The following ARSI variants were observed in gnomAD, a reference collection of about 807,000 sequenced individuals.
The protein encoded by ARSI is arylsulfatase I.
A neutral mutation model predicts 42.1 loss-of-function variants in ARSI; 37 were observed. The ratio of observed to expected loss-of-function variants is 0.88; its 90% CI spans 0.68 to 1.16. ARSI has a LOEUF of 1.16. Among genes scored for constraint, ARSI ranks in the 50% most tolerant of loss-of-function variants. ARSI has a pLI of 0.00. For missense variants in ARSI, 725 were observed against 790.1 expected, an observed-to-expected ratio of 0.92 and a Z score of 0.99; for synonymous variants, 305 against 320.3, an observed-to-expected ratio of 0.95 and a Z score of 0.51.
chr5:150,296,348 T>C lies in ARSI; in HGVS notation c.*866A>G, dbSNP rs917270329. 2 of 152,436 alleles carry C rather than the reference T, an allele frequency of 1.3e-5. No homozygotes were observed. Among genetic ancestry groups the C allele is most frequent in the African/African-American group, 4.8e-5 (2 of 41,472 alleles). 9.4% of individuals were successfully genotyped at this position (152,436 alleles called of 1,614,324 possible). On this transcript the variant is annotated 3_prime_UTR_variant, in exon 2 of 2. Coordinates refer to ENST00000328668, the MANE Select transcript of ARSI (RefSeq NM_001012301.4). ...GACAGCACTGCATCCCTCACTTCCA[T>C]GTTACGACACTTTAATCAAGTTCAC...
rs138724760 is a variant in ARSI at position 150,298,432 on chromosome 5, G to T, written c.492C>A (p.Phe164Leu). 1.4e-5 allele frequency: 23 copies of T among 1,614,204 alleles called. No individual in the cohort carries two copies. The highest frequency in any genetic ancestry group is 1.9e-5 in the Non-Finnish European group (23 of 1,180,042). ...CCGTGAGCGAGCCCAGGAAGGTGTC[G>T]AAGCCCCGACGGGTGGGCAGACACT... Reference protein sequence around the residue: ...RKECLPTRRGFDTFLGSLTGN... With the variant: ...RKECLPTRRGLDTFLGSLTGN... Residue 164 changes from phenylalanine (F) to leucine (L), a missense_variant, in exon 2 of 2, where the codon TTC becomes TTA. By Grantham distance (22) the Phe-to-Leu change is conservative. Coordinates refer to ENST00000328668, the MANE Select transcript of ARSI (RefSeq NM_001012301.4).
rs941056812 is a variant in ARSI, at chr5:150,302,042, G to A, written c.311+21C>T. 1.7e-5 allele frequency: 27 copies of A among 1,549,408 alleles called. No homozygotes were observed. Among genetic ancestry groups the A allele is most frequent in the East Asian group, 4.8e-5 (2 of 41,886 alleles). On this transcript the variant is annotated intron_variant, in intron 1 of 1. Coordinates refer to ENST00000328668, the MANE Select transcript of ARSI (RefSeq NM_001012301.4). The surrounding 1 kb of genome is among the most constrained non-coding windows in gnomAD (Gnocchi z 6.1). ...ATTTGGGGTTTAGATGCCCAGCCCC[G>A]GGGCCTTGAGCCACGCCTACCTGCC...
At position 150,297,466 on chromosome 5, in the gene ARSI, G is replaced by A. The variant is rs762549098; in HGVS notation, c.1458C>T (p.Arg486=). Residue 486 remains arginine (R), a synonymous_variant, in exon 2 of 2, where the codon CGC becomes CGT. Transcript: ENST00000328668. This position sits in a 1 kb window ranked among gnomAD's most constrained non-coding sequence, Gnocchi z 7.0. The part of the protein sequence containing the change: ...DLAGQRPDVV[R]TLLARLAEYN... ...ATTCGGCCAGGCGAGCCAGCAGGGT[G>A]CGGACCACATCAGGCCGCTGGCCAG... 2 of 1,613,076 alleles carry A rather than the reference G, an allele frequency of 1.2e-6. No homozygotes were observed. Among genetic ancestry groups the A allele is most frequent in the African/African-American group, 1.3e-5 (1 of 75,048 alleles).
Position 150,297,666 on chromosome 5 carries a change from G to A in ARSI, c.1258C>T (p.Arg420Cys), listed in dbSNP as rs201427501. Reference protein sequence around the residue: ...IWNTAVQAAIRVGEWKLLTGD... With the variant: ...IWNTAVQAAICVGEWKLLTGD... ...GTCAGCAGCTTCCACTCACCCACGC[G>A]GATGGCAGCCTGCACGGCGGTGTTC... Residue 420 changes from arginine (R) to cysteine (C), a missense_variant, in exon 2 of 2, where the codon CGC becomes TGC. By Grantham distance (180) the Arg-to-Cys change is radical. Transcript: ENST00000328668. This position sits in a 1 kb window ranked among gnomAD's most constrained non-coding sequence, Gnocchi z 7.0. 2.3e-4 allele frequency: 376 copies of A among 1,613,230 alleles called. No homozygotes were observed. The highest frequency in any genetic ancestry group is 3.1e-4 in the Non-Finnish European group (365 of 1,180,010).
chr5:150,296,935 G>C lies in ARSI; in HGVS notation c.*279C>G, dbSNP rs940515616. On this transcript the variant is annotated 3_prime_UTR_variant, in exon 2 of 2. Coordinates refer to ENST00000328668, the MANE Select transcript of ARSI (RefSeq NM_001012301.4). ...ACACCAAAGAGTCACAAAGTCATTA[G>C]AGCTCATTTTACAGATGAGGAAACT... The C allele has an allele frequency of 3.1e-6, 1 of 325,318 alleles. No individual in the cohort carries two copies. Among genetic ancestry groups the C allele is most frequent in the East Asian group, 5.7e-5 (1 of 17,600 alleles). 20.2% of individuals were successfully genotyped at this position (325,318 alleles called of 1,614,324 possible). A position where few individuals can be genotyped will look rare whatever the true frequency, so the allele number is the denominator to read the frequency against.
In ARSI at chr5:150,297,504, G is replaced by A. The variant is rs1409186846; in HGVS notation, c.1420C>T (p.Arg474Trp). 15 of 1,613,674 alleles carry A rather than the reference G, an allele frequency of 9.3e-6. No individual in the cohort carries two copies. The highest frequency in any genetic ancestry group is 5.3e-5 in the African/African-American group (4 of 74,922). Residue 474 changes from arginine (R) to tryptophan (W), a missense_variant, in exon 2 of 2, where the codon CGG (arginine) becomes TGG (tryptophan). Physicochemically the swap from Arg to Trp is moderately radical, Grantham distance 101 (BLOSUM62 -3). Coordinates refer to ENST00000328668, the MANE Select transcript of ARSI (RefSeq NM_001012301.4). This position sits in a 1 kb window ranked among gnomAD's most constrained non-coding sequence, Gnocchi z 7.0. ...LFNISADPYE[R>W]EDLAGQRPDV... is the part of the protein sequence containing the mutation. ...GGCCGCTGGCCAGCCAGGTCCTCCC[G>A]TTCATAAGGGTCAGCACTGATGTTG...
In ARSI at chr5:150,302,122, C is replaced by T; in HGVS notation, c.252G>A (p.Leu84=). Residue 84 remains leucine, a synonymous_variant, in exon 1 of 2, where the codon TTG becomes TTA. Transcript: ENST00000328668. This position sits in a 1 kb window ranked among gnomAD's most constrained non-coding sequence, Gnocchi z 6.1. The stretch of plus-strand genomic sequence containing the variant: ...AGATGGGCTGGATGTAATAATTCTC[C>T]AACTTGACCCCCTTGGCCGCCAGCC... ...LDRLAAKGVK[L]ENYYIQPICT... The T allele has an allele frequency of 1.2e-6, 2 of 1,611,074 alleles. No homozygotes were observed. The highest frequency in any genetic ancestry group is 1.7e-6 in the Non-Finnish European group (2 of 1,178,998).
chr5:150,300,755 C>T (rs546764878), intron 1 of ARSI, among the ~76,000 whole-genome samples: 1 of 152,340 alleles, frequency 6.6e-6, no homozygotes, highest in East Asian at 1.9e-4. Context: ...GAGCACTGCC[C>T]TCCTGCTGTC....
At chr5:150,298,904 A>G (rs1204662522) in intron 1 of ARSI, among the ~76,000 whole-genome samples, 2 of 152,182 alleles carry the variant, frequency 1.3e-5, no homozygotes, top group Non-Finnish European at 2.9e-5. Context: ...GAAGTTGGAG[A>G]GATAAAAGTT....
In ARSI at chr5:150,297,312, T is replaced by A. The variant is rs1757820267; in HGVS notation, c.1612A>T (p.Ser538Cys). Residue 538 changes from serine to cysteine, a missense_variant, in exon 2 of 2, where the codon AGC becomes TGC. Ser to Cys is a moderately radical substitution (Grantham distance 112). Transcript: ENST00000328668. This position sits in a 1 kb window ranked among gnomAD's most constrained non-coding sequence, Gnocchi z 7.0. ...TTCTTGCGACGACCCCGGGAGAAGC[T>A]TCGAGCCCTCCCTTCCTCTTCCTCC... ...EEEEEEGRAR[S>C]FSRGRRKKKC... 1 of 1,613,342 alleles carries A rather than the reference T, an allele frequency of 6.2e-7. No individual in the cohort carries two copies. The highest frequency in any genetic ancestry group is 8.5e-7 in the Non-Finnish European group (1 of 1,179,738).
At position 150,298,060 on chromosome 5, in the gene ARSI, G is replaced by A. The variant is rs1364431678; in HGVS notation, c.864C>T (p.Asn288=). 5 of 1,613,016 alleles carry A rather than the reference G, an allele frequency of 3.1e-6. No individual in the cohort carries two copies. Among genetic ancestry groups the A allele is most frequent in the Admixed American group, 3.3e-5 (2 of 60,022 alleles). Residue 288 remains asparagine (N), a synonymous_variant, in exon 2 of 2, where the codon AAC becomes AAT. Transcript: ENST00000328668. ...CACTGGAGAAGATGATGACACTGTT[G>A]TTGTAGAAACCGTAGCGCTTGAGGG... The part of the protein sequence containing the change: ...TWALKRYGFY[N]NSVIIFSSDN...
In ARSI at chr5:150,302,433, G is replaced by T. The variant is rs921152855; in HGVS notation, c.-60C>A. ...CTCCTGGGGCCTCACCACCTCGCGC[G>T]CCCAGGGCGCACCACCGGCCCGCCG... On this transcript the variant is annotated 5_prime_UTR_variant, in exon 1 of 2. Transcript: ENST00000328668. The surrounding 1 kb of genome is among the most constrained non-coding windows in gnomAD (Gnocchi z 6.1). 4.4e-5 allele frequency: 57 copies of T among 1,301,078 alleles called. No individual in the cohort carries two copies. Among genetic ancestry groups the T allele is most frequent in the Non-Finnish European group, 5.4e-5 (54 of 1,007,432 alleles). 80.6% of individuals were successfully genotyped at this position (1,301,078 alleles called of 1,614,324 possible).
chr5:150,302,058 C>T lies in ARSI; in HGVS notation c.311+5G>A. 1 of 1,571,150 alleles carries T rather than the reference C, an allele frequency of 6.4e-7. No individual in the cohort carries two copies. The highest frequency in any genetic ancestry group is 2.3e-5 in the East Asian group (1 of 43,076). ...CCCAGCCCCGGGGCCTTGAGCCACG[C>T]CTACCTGCCAGTGAGGAGCTGGCTC... is the stretch of plus-strand genomic sequence containing the variant. On this transcript the variant is annotated splice_donor_5th_base_variant and intron_variant, in intron 1 of 1. Transcript: ENST00000328668. The surrounding 1 kb of genome is among the most constrained non-coding windows in gnomAD (Gnocchi z 6.1).
rs1396520743 is a variant in ARSI, at chr5:150,296,577, T to C, written c.*637A>G. 6.6e-6 allele frequency: 1 copy of C among 152,348 alleles called. No homozygotes were observed. Among genetic ancestry groups the C allele is most frequent in the Non-Finnish European group, 1.5e-5 (1 of 68,148 alleles). The allele number at this position is 152,348 out of a possible 1,614,324, so 9.4% of individuals were successfully genotyped here. ...CCACCCTTGGTGCTGCAGCAGTTAA[T>C]GGCCCAGCCAGTTTCTCTGGGTACT... On this transcript the variant is annotated 3_prime_UTR_variant, in exon 2 of 2. Transcript: ENST00000328668.
In ARSI at chr5:150,297,977, C is replaced by T. The variant is rs1757846227; in HGVS notation, c.947G>A (p.Gly316Asp). 7.4e-6 allele frequency: 12 copies of T among 1,612,406 alleles called. No individual in the cohort carries two copies. Among genetic ancestry groups the T allele is most frequent in the South Asian group, 1.1e-5 (1 of 91,030 alleles). The change falls in exon 2 of 2, where the codon GGC (glycine) becomes GAC (aspartate). Residue 316 changes from glycine to aspartate, a missense_variant. Coordinates refer to ENST00000328668, the MANE Select transcript of ARSI (RefSeq NM_001012301.4). This position sits in a 1 kb window ranked among gnomAD's most constrained non-coding sequence, Gnocchi z 7.0. Reference sequence around the variant, plus strand: ...CCGCACGCCACCTTCCCAATAAGTGCCCTTGCGTCCTCGGAGCGGCCAGTT... The same window carrying T: ...CCGCACGCCACCTTCCCAATAAGTGTCCTTGCGTCCTCGGAGCGGCCAGTT... Reference protein sequence around the residue: ...GSNWPLRGRKGTYWEGGVRGL... With the variant: ...GSNWPLRGRKDTYWEGGVRGL...
At chr5:150,301,409 G>A (rs998868627) in intron 1 of ARSI, among the ~76,000 whole-genome samples, 5 of 152,272 alleles carry the variant, frequency 3.3e-5, no homozygotes, top group Non-Finnish European at 7.4e-5. Context: ...TCTACTTGGG[G>A]CTCCCAGCCA....
chr5:150,299,506 C>T (rs749723158), intron 1 of ARSI, among the ~76,000 whole-genome samples: 15 of 152,000 alleles, frequency 9.9e-5, no homozygotes, highest in Admixed American at 4.6e-4. Context: ...GAATGAATGA[C>T]ACTTAAGAGG....
Position 150,302,331 on chromosome 5 carries a change from A to G in ARSI, c.43T>C (p.Phe15Leu). 1 of 1,574,276 alleles carries G rather than the reference A, an allele frequency of 6.4e-7. No homozygotes were observed. Among genetic ancestry groups the G allele is most frequent in the Non-Finnish European group, 8.6e-7 (1 of 1,161,972 alleles). ...TGFSLVSLLS[F>L]GYLSWDWAKP... Reference sequence around the variant, plus strand: ...GCCCAGTCCCAGGACAGGTAGCCGAAGCTGAGCAGGCTGACCAGGGAGAAG... The same window carrying G: ...GCCCAGTCCCAGGACAGGTAGCCGAGGCTGAGCAGGCTGACCAGGGAGAAG... The change falls in exon 1 of 2, where the codon TTC becomes CTC. Residue 15 changes from phenylalanine to leucine, a missense_variant. By Grantham distance (22) the Phe-to-Leu change is conservative. Transcript: ENST00000328668. The surrounding 1 kb of genome is among the most constrained non-coding windows in gnomAD (Gnocchi z 6.1).
chr5:150,297,179 G>T lies in ARSI; in HGVS notation c.*35C>A. ...AGCAGGGCCAAGCCGGAGTGGGGAA[G>T]ATCCTCTAAAGGACAGTTTTCTCCC... On this transcript the variant is annotated 3_prime_UTR_variant, in exon 2 of 2. Coordinates refer to ENST00000328668, the MANE Select transcript of ARSI (RefSeq NM_001012301.4). This position sits in a 1 kb window ranked among gnomAD's most constrained non-coding sequence, Gnocchi z 7.0. 6.5e-7 allele frequency: 1 copy of T among 1,529,040 alleles called. No homozygotes were observed. Among genetic ancestry groups the T allele is most frequent in the Non-Finnish European group, 8.8e-7 (1 of 1,139,600 alleles). 94.7% of individuals were successfully genotyped at this position (1,529,040 alleles called of 1,614,324 possible).
Sources: gnomAD v4.1 joint callset for allele counts (sites outside exome capture counted in the v4.1 genomes callset) on GRCh38, gnomAD v4.1.1 for gene constraint, Gnocchi (gnomAD v3.1) non-coding constraint, MANE v1.5 for transcripts, NCBI Gene and HGNC (gene_info 2026-07-23, HGNC 2026-07-21) for gene names.